TBC1D14: variants seen among roughly 807,000 people sequenced by gnomAD.
TBC1D14 encodes TBC1 domain family member 14.
In TBC1D14, 26 loss-of-function variants were observed where a neutral mutation model predicts 79.0. The observed-to-expected ratio is 0.33, with a 90% confidence interval of 0.24 to 0.46. TBC1D14 has a LOEUF of 0.46. Among genes scored for constraint, TBC1D14 ranks in the 20% least tolerant of loss-of-function variants. The pLI, the probability that TBC1D14 is intolerant of heterozygous loss-of-function variation, is 1.00. For missense variants in TBC1D14, 769 were observed against 887.6 expected, an observed-to-expected ratio of 0.87 and a Z score of 1.70; for synonymous variants, 394 against 349.9, an observed-to-expected ratio of 1.13 and a Z score of -1.40.
At chr4:6,961,877 GGT>G (rs2109032948) in intron 2 of TBC1D14, among the ~76,000 whole-genome samples, 1 of 152,264 alleles carries the variant, frequency 6.6e-6, no homozygotes, top group Admixed American at 6.5e-5. Context: ...GGGGAGTCCT[GGT>G]GTTAACCTGG....
Position 6,923,565 on chromosome 4 carries a change from A to C in TBC1D14, c.176A>C (p.His59Pro). Residue 59 changes from histidine to proline, a missense_variant, in exon 2 of 14, where the codon CAC becomes CCC. His to Pro is a moderately conservative substitution (Grantham distance 77). Transcript: ENST00000409757. ...KLKLRALEDR[H>P]SLQSVDSGIP... is the part of the protein sequence containing the mutation. Reference sequence around the variant, plus strand: ...AAACTCAGGGCTTTAGAAGACCGGCACAGCCTCCAGTCCGTGGACTCGGGG... The same window carrying C: ...AAACTCAGGGCTTTAGAAGACCGGCCCAGCCTCCAGTCCGTGGACTCGGGG... 1 of 1,614,112 alleles carries C rather than the reference A, an allele frequency of 6.2e-7. No individual in the cohort carries two copies. Among genetic ancestry groups the C allele is most frequent in the East Asian group, 2.2e-5 (1 of 44,872 alleles).
intron 2 of TBC1D14, among the ~76,000 whole-genome samples, chr4:6,929,276 G>A (rs954361927): frequency 1.3e-5 from 2 of 152,076 alleles, no homozygotes; most frequent in South Asian, 2.1e-4. Flanking sequence ...TTAGAGTTGC[G>A]GCGATGAAAG....
At chr4:6,953,023 C>CTT (rs371101904) in intron 2 of TBC1D14, among the ~76,000 whole-genome samples, 1,251 of 107,074 alleles carry the variant, frequency 0.012, 35 homozygotes, top group East Asian at 0.032. Flanking sequence ...TTTTTTCTTT[C>CTT]TTTTTTTTTT....
chr4:6,952,510 G>A lies in TBC1D14; in HGVS notation c.723-14794G>A, dbSNP rs368063485. ...CTCTGCCAGGCCAGCTCTTGTACTTGATTGTCCAGGGTTTTTTAAATTGCA... is the reference window on the plus strand; with the variant it reads ...CTCTGCCAGGCCAGCTCTTGTACTTAATTGTCCAGGGTTTTTTAAATTGCA... On this transcript the variant is annotated intron_variant, in intron 2 of 13. Transcript: ENST00000409757. Among the ~76,000 whole-genome samples, 64 of 152,364 alleles carry A rather than the reference G, an allele frequency of 4.2e-4. 1 individual carries two copies. The East Asian group carries it at 0.01, about 24-fold the overall frequency.
At chr4:6,986,993 C>A (rs1473265786) in intron 3 of TBC1D14, among the ~76,000 whole-genome samples, 1 of 152,258 alleles carries the variant, frequency 6.6e-6, no homozygotes, top group East Asian at 1.9e-4. Flanking sequence ...CTCGGGTGAT[C>A]TTTAAGGCAG....
chr4:6,926,163 C>T (rs1016666711), intron 2 of TBC1D14, among the ~76,000 whole-genome samples: 5 of 152,242 alleles, frequency 3.3e-5, no homozygotes, highest in Non-Finnish European at 5.9e-5. Flanking sequence ...TGTCCTCGCA[C>T]GTTCTGTCTC....
chr4:6,929,548 C>A (rs1272428849), intron 2 of TBC1D14, among the ~76,000 whole-genome samples: 2 of 152,088 alleles, frequency 1.3e-5, no homozygotes, highest in East Asian at 3.9e-4. Context: ...TGTGCAAAGT[C>A]ATGGGGGCAG....
chr4:6,943,886 C>G (rs1193713898), intron 2 of TBC1D14, among the ~76,000 whole-genome samples: 1 of 120,064 alleles, frequency 8.3e-6, no homozygotes, highest in Admixed American at 7.6e-5. Context: ...AAATATGTTT[C>G]TTTTAAATTC....
chr4:6,963,280 A>G (rs1039315063), intron 2 of TBC1D14, among the ~76,000 whole-genome samples: 7 of 152,208 alleles, frequency 4.6e-5, no homozygotes, highest in South Asian at 4.1e-4. Context: ...GATGGTGGCT[A>G]TGGCCATTGT....
intron 12 of TBC1D14, among the ~76,000 whole-genome samples, chr4:7,017,290 C>T (rs1392578832): frequency 6.6e-6 from 1 of 152,044 alleles, no homozygotes; most frequent in African/African-American, 2.4e-5. Context: ...ACAGAGTGGG[C>T]CTCTCTCTCC....
At chr4:6,949,682 C>CA (rs10657086) in intron 2 of TBC1D14, among the ~76,000 whole-genome samples, 19,011 of 138,378 alleles carry the variant, frequency 0.14, 1,814 homozygotes, top group African/African-American at 0.27. Flanking sequence ...GACTCCGTCT[C>CA]AAAAAAAAAA....
chr4:6,919,480 C>T (rs1027151748), intron 1 of TBC1D14, among the ~76,000 whole-genome samples: 9 of 151,900 alleles, frequency 5.9e-5, no homozygotes, highest in Non-Finnish European at 1.2e-4. Context: ...CTACTTTTGT[C>T]TGTATTTTTG....
intron 1 of TBC1D14, among the ~76,000 whole-genome samples, chr4:6,918,507 CCTT>C (rs1208034715): frequency 1.3e-5 from 2 of 152,176 alleles, no homozygotes; most frequent in African/African-American, 4.8e-5. Context: ...CTTCAGCAGA[CCTT>C]CTCATTTCTT....
intron 1 of TBC1D14, among the ~76,000 whole-genome samples, chr4:6,916,277 G>C (rs1364573775): frequency 6.6e-6 from 1 of 152,200 alleles, no homozygotes; most frequent in Non-Finnish European, 1.5e-5. Flanking sequence ...AGAGGCAGCT[G>C]TCCTGTGGAG....
chr4:6,982,346 C>T (rs1045843198), intron 3 of TBC1D14, among the ~76,000 whole-genome samples: 1 of 152,102 alleles, frequency 6.6e-6, no homozygotes, highest in African/African-American at 2.4e-5. Context: ...AAGTCAGTCT[C>T]GAAAGTTTGC....
intron 1 of TBC1D14, among the ~76,000 whole-genome samples, chr4:6,917,024 ATCTGG>A (rs1723458952): frequency 6.6e-6 from 1 of 152,188 alleles, no homozygotes; most frequent in South Asian, 2.1e-4. Flanking sequence ...GTTCCTCACC[ATCTGG>A]TCTAGCCCCT....
chr4:6,935,369 T>C (rs1460312651), intron 2 of TBC1D14, among the ~76,000 whole-genome samples: 3 of 152,132 alleles, frequency 2.0e-5, no homozygotes, highest in African/African-American at 4.8e-5. Flanking sequence ...GCTTTGTCCT[T>C]GAGTTGCATC....
chr4:6,934,416 C>G (rs1468010274), intron 2 of TBC1D14, among the ~76,000 whole-genome samples: 1 of 152,000 alleles, frequency 6.6e-6, no homozygotes, highest in Non-Finnish European at 1.5e-5. Context: ...TCAGAATTGA[C>G]TGTTCAAGCA....
intron 3 of TBC1D14, among the ~76,000 whole-genome samples, chr4:6,974,043 C>T (rs1049468429): frequency 1.3e-5 from 2 of 152,162 alleles, no homozygotes; most frequent in East Asian, 1.9e-4. Flanking sequence ...AGGCTGGTCT[C>T]GAACTCCTGA....
Sources: gnomAD v4.1 joint callset for allele counts (sites outside exome capture counted in the v4.1 genomes callset) on GRCh38, gnomAD v4.1.1 for gene constraint, MANE v1.5 for transcripts, NCBI Gene and HGNC (gene_info 2026-07-23, HGNC 2026-07-21) for gene names.